Variants in SMIM41 observed in about 807,000 individuals in gnomAD.
SMIM41 encodes the protein small integral membrane protein 41.
intron 2 of SMIM41, among the ~76,000 whole-genome samples, chr12:52,091,814 A>G (rs1263765894): frequency 6.6e-6 from 1 of 152,234 alleles, no homozygotes; most frequent in Non-Finnish European, 1.5e-5. Flanking sequence ...TGGTCATATG[A>G]TATGCTGCTG....
intron 2 of SMIM41, among the ~76,000 whole-genome samples, chr12:52,105,781 A>C (rs1385953023): frequency 6.6e-6 from 1 of 152,004 alleles, no homozygotes; most frequent in Admixed American, 6.6e-5. Flanking sequence ...AACAAAAAAA[A>C]ACTCCCACAA....
chr12:52,097,992 G>A (rs1220405291), intron 2 of SMIM41, among the ~76,000 whole-genome samples: 3 of 139,018 alleles, frequency 2.2e-5, no homozygotes, highest in Non-Finnish European at 4.6e-5. Flanking sequence ...CAGGGGTAAC[G>A]TACACCCACT....
intron 2 of SMIM41, among the ~76,000 whole-genome samples, chr12:52,092,942 T>G (rs936565422): frequency 6.6e-6 from 1 of 152,082 alleles, no homozygotes; most frequent in Non-Finnish European, 1.5e-5. Context: ...AGCACTTTGG[T>G]AGGTCGAGGC....
chr12:52,098,863 C>T (rs1480259981), intron 2 of SMIM41, among the ~76,000 whole-genome samples: 1 of 151,954 alleles, frequency 6.6e-6, no homozygotes, highest in Non-Finnish European at 1.5e-5. Context: ...CTTAGCCTCT[C>T]CCTCCCAGGG....
intron 2 of SMIM41, among the ~76,000 whole-genome samples, chr12:52,102,920 G>C (rs1279667439): frequency 5.3e-5 from 8 of 152,196 alleles, no homozygotes; most frequent in African/African-American, 1.9e-4. Context: ...ATTCATAGCA[G>C]CATTATTCAC....
At chr12:52,102,198 A>T (rs1443168057) in intron 2 of SMIM41, among the ~76,000 whole-genome samples, 1 of 152,198 alleles carries the variant, frequency 6.6e-6, no homozygotes, top group African/African-American at 2.4e-5. Flanking sequence ...ATGAAGGTGG[A>T]CCCTATGTCA....
rs1483997516 is a variant in SMIM41, at chr12:52,083,939, G to A, written c.*166G>A. The A allele has an allele frequency of 6.6e-6, 1 of 151,530 alleles. No individual in the cohort carries two copies. The highest frequency in any genetic ancestry group is 1.5e-5 in the Non-Finnish European group (1 of 68,076). The allele number at this position is 151,530 out of a possible 1,614,324, so 9.4% of individuals were successfully genotyped here. ...GAGAGGAGAGAAGAGAAGAAGAGAG[G>A]AGAGAAGAGAAGAGGAGAGGAGAGA... On this transcript the variant is annotated 3_prime_UTR_variant, in exon 2 of 3. Transcript: ENST00000546390.
intron 2 of SMIM41, among the ~76,000 whole-genome samples, chr12:52,102,010 GC>G (rs1234376209): frequency 6.6e-6 from 1 of 152,186 alleles, no homozygotes; most frequent in Non-Finnish European, 1.5e-5. Flanking sequence ...ACTGCGCTCG[GC>G]CCATGCTGTA....
At chr12:52,093,585 C>T (rs1159031178) in intron 2 of SMIM41, 3 of 152,206 alleles carry the variant, frequency 2.0e-5, no homozygotes, top group African/African-American at 7.2e-5. Context: ...AAAGGCCTGA[C>T]TTGCTGTCTC....
chr12:52,099,498 A>G (rs1039503598), intron 2 of SMIM41, among the ~76,000 whole-genome samples: 1 of 151,950 alleles, frequency 6.6e-6, no homozygotes, highest in Non-Finnish European at 1.5e-5. Context: ...GGATATTAGG[A>G]ACAGTATCAC....
In SMIM41 at chr12:52,093,868, C is replaced by T. The variant is rs147321570; in HGVS notation, c.*195+9900C>T. ...TGGCCGGGTGGGGCGCGGTGGCTCA[C>T]GCCTGTAATCCCAGCACTTTGGGAG... On this transcript the variant is annotated intron_variant, in intron 2 of 2. Transcript: ENST00000546390. Among the ~76,000 whole-genome samples, 1,116 of 152,170 alleles carry T rather than the reference C, an allele frequency of 7.3e-3. 11 individuals carry two copies. Among genetic ancestry groups the T allele is most frequent in the African/African-American group, 0.026 (1,074 of 41,528 alleles).
rs901063127 is a variant in SMIM41, at chr12:52,099,282, C to T, written c.*196-8097C>T. On this transcript the variant is annotated intron_variant, in intron 2 of 2. Transcript: ENST00000546390. ...AATCACGGGGATTGTACACCTGCTGCGATATTGGGAGTAATATCTTCCTCT... is the reference window on the plus strand; with the variant it reads ...AATCACGGGGATTGTACACCTGCTGTGATATTGGGAGTAATATCTTCCTCT... 4.6e-5 allele frequency among the ~76,000 whole-genome samples: 7 copies of T among 151,708 alleles called. No individual in the cohort carries two copies. The East Asian group carries it at 5.8e-4, about 13-fold the overall frequency.
rs1389990379 is a variant in SMIM41, at chr12:52,107,782, T to C, written c.*599T>C. The C allele has an allele frequency of 5.3e-6, 2 of 379,716 alleles. No homozygotes were observed. The highest frequency in any genetic ancestry group is 4.2e-5 in the African/African-American group (2 of 47,084). The allele number at this position is 379,716 out of a possible 1,614,324, so 23.5% of individuals were successfully genotyped here. On this transcript the variant is annotated 3_prime_UTR_variant, in exon 3 of 3. Transcript: ENST00000546390. ...TGGCTTCCTAGTTTTGCTGTCTTTT[T>C]TTTTTCTCAGTCTTTTAGACTCCCA...
At chr12:52,102,799 T>C (rs985918987) in intron 2 of SMIM41, among the ~76,000 whole-genome samples, 3 of 152,112 alleles carry the variant, frequency 2.0e-5, no homozygotes, top group Non-Finnish European at 2.9e-5. Context: ...TAGTATGGCG[T>C]GTACTGGAAA....
chr12:52,096,873 C>G lies in SMIM41; in HGVS notation c.*196-10506C>G, dbSNP rs1198302230. Among the ~76,000 whole-genome samples, 4 of 151,866 alleles carry G rather than the reference C, an allele frequency of 2.6e-5. No individual in the cohort carries two copies. The East Asian group carries it at 5.8e-4, about 22-fold the overall frequency. On this transcript the variant is annotated intron_variant, in intron 2 of 2. Coordinates refer to ENST00000546390, the MANE Select transcript of SMIM41 (RefSeq NM_001369216.1). ...CCCCCTGTGATGTTGTTCCTAATAG[C>G]CAGGGGTAGACGATGACATTACTGC...
At chr12:52,097,112 A>T (rs897704728) in intron 2 of SMIM41, among the ~76,000 whole-genome samples, 14 of 152,174 alleles carry the variant, frequency 9.2e-5, no homozygotes, top group African/African-American at 3.4e-4. Flanking sequence ...GGGTAGAGAA[A>T]ATGACATGAC....
At chr12:52,103,016 T>G (rs568644344) in intron 2 of SMIM41, among the ~76,000 whole-genome samples, 30 of 152,308 alleles carry the variant, frequency 2.0e-4, no homozygotes, top group African/African-American at 7.0e-4. Flanking sequence ...AATGGAAGAC[T>G]ATTCAGCCTT....
intron 2 of SMIM41, chr12:52,092,450 A>G (rs1940022483): frequency 6.6e-6 from 1 of 152,214 alleles, no homozygotes; most frequent in Non-Finnish European, 1.5e-5. Context: ...TGTTACTTGA[A>G]AAAAGGGTGG....
intron 2 of SMIM41, among the ~76,000 whole-genome samples, chr12:52,094,249 G>A (rs977566667): frequency 1.4e-5 from 2 of 147,940 alleles, no homozygotes; most frequent in African/African-American, 2.5e-5. Context: ...AGGCTGGAGT[G>A]CAGTGGCAGC....
Sources: gnomAD v4.1 joint callset for allele counts (sites outside exome capture counted in the v4.1 genomes callset) on GRCh38, gnomAD v4.1.1 for gene constraint, MANE v1.5 for transcripts, NCBI Gene and HGNC (gene_info 2026-07-23, HGNC 2026-07-21) for gene names.